CYP2R1: variants seen among roughly 807,000 people sequenced by gnomAD.
CYP2R1 encodes the protein vitamin D 25-hydroxylase.
In CYP2R1, 40 loss-of-function variants were observed where a neutral mutation model predicts 45.7. The ratio of observed to expected loss-of-function variants is 0.87; its 90% CI spans 0.68 to 1.14. CYP2R1 has a LOEUF of 1.14. Ranked by LOEUF, CYP2R1 falls within the 50% of genes most tolerant of loss-of-function variation. The pLI is 0.00. For missense variants in CYP2R1, 605 were observed against 602.6 expected, an observed-to-expected ratio of 1.00 and a Z score of -0.04; for synonymous variants, 234 against 219.3, an observed-to-expected ratio of 1.07 and a Z score of -0.59.
In CYP2R1 at chr11:14,892,211, C is replaced by T. The variant is rs782179273; in HGVS notation, c.-6G>A. ...GCTCTCCAAAGCTTCCACATCGGCC[C>T]GAGCTGGAGGTGCGAACTCCACAGC... On this transcript the variant is annotated 5_prime_UTR_variant, in exon 1 of 5. Transcript: ENST00000334636. 6.8e-6 allele frequency: 11 copies of T among 1,608,774 alleles called. No homozygotes were observed. In the South Asian group the frequency reaches 7.7e-5, roughly 11 times the overall value.
chr11:14,891,096 AG>A, intron 1 of CYP2R1: 1 of 985,396 alleles, frequency 1.0e-6, no homozygotes, highest in South Asian at 4.7e-5. Flanking sequence ...AAAACAGGTG[AG>A]CTCTGTCCCA....
chr11:14,892,145 G>T lies in CYP2R1; in HGVS notation c.61C>A (p.Leu21Met), dbSNP rs1417641633. The change falls in exon 1 of 5, where the codon CTG becomes ATG. Residue 21 changes from leucine (L) to methionine (M), a missense_variant. Leu to Met is a conservative substitution (Grantham distance 15). Coordinates refer to ENST00000334636, the MANE Select transcript of CYP2R1 (RefSeq NM_024514.5). ...TGGCGGACCCCTAGCGCGAAGAGCA[G>T]CAGGAAGAGCGCGCCGCCGAGCGCC... ...AAALGGALFL[L>M]LFALGVRQLL... The T allele has an allele frequency of 1.2e-6, 2 of 1,611,160 alleles. No individual in the cohort carries two copies. Among genetic ancestry groups the T allele is most frequent in the Non-Finnish European group, 1.7e-6 (2 of 1,179,756 alleles).
At chr11:14,889,994 T>C (rs1848769946) in intron 1 of CYP2R1, among the ~76,000 whole-genome samples, 1 of 152,026 alleles carries the variant, frequency 6.6e-6, no homozygotes, top group Non-Finnish European at 1.5e-5. Flanking sequence ...CCGGGCGTGG[T>C]GGCGAGCACC....
intron 1 of CYP2R1, chr11:14,887,385 G>A (rs1029371090): frequency 6.4e-6 from 1 of 155,190 alleles, no homozygotes; most frequent in South Asian, 2.0e-4. Flanking sequence ...TCCTCTATTT[G>A]AGGGTAGAAC....
At position 14,877,865 on chromosome 11, in the gene CYP2R1, T is replaced by C; in HGVS notation, c.*257A>G. 2.2e-6 allele frequency: 1 copy of C among 454,656 alleles called. No homozygotes were observed. The highest frequency in any genetic ancestry group is 3.9e-6 in the Non-Finnish European group (1 of 256,742). The allele number at this position is 454,656 out of a possible 1,614,324, so 28.2% of individuals were successfully genotyped here. A position where few individuals can be genotyped will look rare whatever the true frequency, so the allele number is the denominator to read the frequency against. ...CAGCTTAGGGCGTCCATGACCCTTC[T>C]TAGCATTTTAAGCAACACCCATCAT... is the stretch of plus-strand genomic sequence containing the variant. On this transcript the variant is annotated 3_prime_UTR_variant, in exon 5 of 5. Transcript: ENST00000334636.
chr11:14,879,990 C>G (rs890327986), intron 3 of CYP2R1, 146 bp downstream of exon 3: 2 of 797,298 alleles, frequency 2.5e-6, no homozygotes, highest in African/African-American at 1.8e-5. Flanking sequence ...TTTGAAAACT[C>G]TTTTTTGTAA....
intron 1 of CYP2R1, 109 bp from the exon 2 acceptor site, chr11:14,886,026 C>G (rs1215695609): frequency 9.3e-7 from 1 of 1,075,114 alleles, no homozygotes; most frequent in African/African-American, 1.6e-5. Flanking sequence ...TGTTACGTCC[C>G]TGAAAATATA....
intron 2 of CYP2R1, among the ~76,000 whole-genome samples, chr11:14,881,042 T>C (rs1015854614): frequency 1.3e-5 from 2 of 152,052 alleles, no homozygotes; most frequent in Non-Finnish European, 2.9e-5. Context: ...CCTGGTGAAA[T>C]AGGCCCAGGT....
chr11:14,881,605 T>C (rs1848390165), intron 2 of CYP2R1, among the ~76,000 whole-genome samples: 1 of 152,122 alleles, frequency 6.6e-6, no homozygotes, highest in South Asian at 2.1e-4. Context: ...GGAAGATCCC[T>C]TATGAATGGT....
rs1555011964 is a variant in CYP2R1 at position 14,880,723 on chromosome 11, C to A, written c.413G>T (p.Arg138Leu). 1 of 1,602,164 alleles carries A rather than the reference C, an allele frequency of 6.2e-7. No individual in the cohort carries two copies. Among genetic ancestry groups the A allele is most frequent in the Non-Finnish European group, 8.5e-7 (1 of 1,176,768 alleles). ...ATATCGAAAACTGTTTACAGCTAAT[C>A]GTCTGTGATCAACCCATCCTCGGCC... ...RYGRGWVDHRRLAVNSFRYFG... is the reference protein window; with the variant it reads ...RYGRGWVDHRLLAVNSFRYFG... Residue 138 changes from arginine to leucine, a missense_variant, in exon 3 of 5, where the codon CGA (arginine) becomes CTA (leucine). Arg to Leu is a moderately radical substitution (Grantham distance 102). Coordinates refer to ENST00000334636, the MANE Select transcript of CYP2R1 (RefSeq NM_024514.5).
At position 14,883,422 on chromosome 11, in the gene CYP2R1, A is replaced by G. The variant is rs532684601; in HGVS notation, c.367+2354T>C. ...GATCTTTGACGAACCTGAGAAAAAT[A>G]AGCAATGGGGAAAAGATTCCCTATT... On this transcript the variant is annotated intron_variant, in intron 2 of 4. Transcript: ENST00000334636. Among the ~76,000 whole-genome samples, 116 of 152,344 alleles carry G rather than the reference A, an allele frequency of 7.6e-4. No individual in the cohort carries two copies. The Middle Eastern group carries it at 0.014, about 18-fold the overall frequency.
intron 2 of CYP2R1, among the ~76,000 whole-genome samples, chr11:14,883,683 T>C (rs1180525566): frequency 2.6e-5 from 4 of 151,864 alleles, no homozygotes; most frequent in Non-Finnish European, 5.9e-5. Context: ...AATTGACAAA[T>C]GGGATCTAAT....
At chr11:14,885,341 A>T (rs1848573606) in intron 2 of CYP2R1, among the ~76,000 whole-genome samples, 1 of 152,120 alleles carries the variant, frequency 6.6e-6, no homozygotes, top group South Asian at 2.1e-4. Flanking sequence ...CAAACCATGC[A>T]ACTCTATACT....
chr11:14,884,338 A>G (rs1848519442), intron 2 of CYP2R1, among the ~76,000 whole-genome samples: 1 of 152,022 alleles, frequency 6.6e-6, no homozygotes, highest in Non-Finnish European at 1.5e-5. Flanking sequence ...ACACCATGGA[A>G]TACTATGCAG....
Position 14,880,162 on chromosome 11 carries a change from A to G in CYP2R1, c.974T>C (p.Phe325Ser), listed in dbSNP as rs145224817. Residue 325 changes from phenylalanine to serine, a missense_variant, in exon 3 of 5, where the codon TTC (phenylalanine) becomes TCC (serine). Physicochemically the swap from Phe to Ser is radical, Grantham distance 155 (BLOSUM62 -2). Transcript: ENST00000334636. ...TTNVLRWAIL[F>S]MALYPNIQGQ... Reference sequence around the variant, plus strand: ...TTGAATATTAGGATAAAGGGCCATGAAAAGAATCGCCCACCGTAGCACATT... The same window carrying G: ...TTGAATATTAGGATAAAGGGCCATGGAAAGAATCGCCCACCGTAGCACATT... 29 of 1,612,674 alleles carry G rather than the reference A, an allele frequency of 1.8e-5. No individual in the cohort carries two copies. Among genetic ancestry groups the G allele is most frequent in the African/African-American group, 2.7e-5 (2 of 74,836 alleles).
At chr11:14,882,041 A>AG (rs1156871180) in intron 2 of CYP2R1, among the ~76,000 whole-genome samples, 7 of 152,100 alleles carry the variant, frequency 4.6e-5, no homozygotes, top group Non-Finnish European at 1.0e-4. Context: ...AGTTACTGTA[A>AG]GGGGGTCATT....
At chr11:14,882,495 G>A (rs1409658739) in intron 2 of CYP2R1, among the ~76,000 whole-genome samples, 1 of 152,024 alleles carries the variant, frequency 6.6e-6, no homozygotes, top group Non-Finnish European at 1.5e-5. Context: ...AGGTACAGAG[G>A]AGCACTGTTT....
chr11:14,885,732 TA>T, intron 2 of CYP2R1, 43 bp downstream of exon 2: 1 of 1,593,860 alleles, frequency 6.3e-7, no homozygotes, highest in Non-Finnish European at 8.6e-7. Flanking sequence ...GAATGTGATT[TA>T]AAATATCTTA....
Position 14,877,993 on chromosome 11 carries a change from GAC to G in CYP2R1, c.*127_*128del. On this transcript the variant is annotated 3_prime_UTR_variant, in exon 5 of 5. Coordinates refer to ENST00000334636, the MANE Select transcript of CYP2R1 (RefSeq NM_024514.5). ...TGTTTCTGCTCTAGTACTATTTTAA[GAC>G]ACATCTGTGTTCATTTGGCTTTTTG... The G allele has an allele frequency of 1.1e-6, 1 of 922,386 alleles. No individual in the cohort carries two copies. Among genetic ancestry groups the G allele is most frequent in the Non-Finnish European group, 1.7e-6 (1 of 593,060 alleles). 57.1% of individuals were successfully genotyped at this position (922,386 alleles called of 1,614,324 possible).
Sources: gnomAD v4.1 joint callset for allele counts (sites outside exome capture counted in the v4.1 genomes callset) on GRCh38, gnomAD v4.1.1 for gene constraint, MANE v1.5 for transcripts, NCBI Gene and HGNC (gene_info 2026-07-23, HGNC 2026-07-21) for gene names.